Variants in PHF20 observed in about 807,000 individuals in gnomAD.
The protein encoded by PHF20 is glioma-expressed antigen 2.
PHF20 carries 23 observed loss-of-function variants against 113.5 expected under a neutral mutation model. The ratio of observed to expected loss-of-function variants is 0.20; its 90% CI spans 0.15 to 0.29. The LOEUF (loss-of-function observed/expected upper bound fraction) is 0.29, where lower values mean the gene tolerates loss of function less well. Ranked by LOEUF, PHF20 falls within the 10% of genes least tolerant of loss-of-function variation. The pLI is 1.00. For missense variants in PHF20, 943 were observed against 1,219.6 expected (o/e 0.77, Z 3.38); for synonymous variants, 434 against 457.3 (o/e 0.95, Z 0.65).
chr20:35,864,452 A>ACACACACACACACACAC (rs59351622), intron 6 of PHF20, among the ~76,000 whole-genome samples: 1 of 151,078 alleles, frequency 6.6e-6, no homozygotes, highest in African/African-American at 2.4e-5. Flanking sequence ...ACACACACAC[A>ACACACACACACACACAC]AATATTTTCA....
chr20:35,823,294 C>A (rs919976925), intron 2 of PHF20, among the ~76,000 whole-genome samples: 1 of 151,790 alleles, frequency 6.6e-6, no homozygotes. Flanking sequence ...ACAGTTCACG[C>A]AAGCCCCACC....
intron 14 of PHF20, among the ~76,000 whole-genome samples, chr20:35,928,904 A>G (rs191024707): frequency 2.6e-5 from 4 of 152,312 alleles, no homozygotes; most frequent in Admixed American, 2.6e-4. Context: ...TAGCAGGATC[A>G]GTTAGTTCCA....
At chr20:35,866,967 T>C (rs1242867797) in intron 6 of PHF20, among the ~76,000 whole-genome samples, 2 of 152,206 alleles carry the variant, frequency 1.3e-5, no homozygotes, top group East Asian at 3.8e-4. Flanking sequence ...TCTTTTCCAG[T>C]CAGACTGTCT....
intron 1 of PHF20, among the ~76,000 whole-genome samples, chr20:35,791,017 C>G (rs1026018928): frequency 2.6e-5 from 4 of 152,012 alleles, no homozygotes; most frequent in African/African-American, 9.7e-5. Context: ...TGCCACCATG[C>G]CCGGCTAATT....
chr20:35,855,301 C>T (rs769994570), intron 4 of PHF20: 8 of 1,301,954 alleles, frequency 6.1e-6, no homozygotes, highest in South Asian at 2.4e-5. Flanking sequence ...TGTAAGTACT[C>T]ATAAGTCATT....
intron 9 of PHF20, among the ~76,000 whole-genome samples, chr20:35,893,870 C>A (rs897213128): frequency 6.6e-6 from 1 of 152,086 alleles, no homozygotes; most frequent in African/African-American, 2.4e-5. Flanking sequence ...CCTGCCTTGG[C>A]TTCCCAAAAT....
At chr20:35,940,800 G>T in intron 16 of PHF20, 64 bp from the exon 17 acceptor site, 1 of 1,365,776 alleles carries the variant, frequency 7.3e-7, no homozygotes. Context: ...GGAAATGCTG[G>T]CTGGTTGAAA....
At chr20:35,847,078 G>A (rs2042637507) in intron 3 of PHF20, among the ~76,000 whole-genome samples, 1 of 152,152 alleles carries the variant, frequency 6.6e-6, no homozygotes, top group African/African-American at 2.4e-5. Flanking sequence ...CTATTCATGA[G>A]GGATCTGCTA....
At chr20:35,864,452 A>ACACACACACAC (rs59351622) in intron 6 of PHF20, among the ~76,000 whole-genome samples, 2 of 151,078 alleles carry the variant, frequency 1.3e-5, no homozygotes, top group African/African-American at 2.4e-5. Flanking sequence ...ACACACACAC[A>ACACACACACAC]AATATTTTCA....
chr20:35,811,411 C>T (rs1180577794), intron 2 of PHF20, among the ~76,000 whole-genome samples: 11 of 149,864 alleles, frequency 7.3e-5, no homozygotes, highest in Non-Finnish European at 1.2e-4. Context: ...ATTATTTGTT[C>T]TTATTTTTGG....
intron 13 of PHF20, among the ~76,000 whole-genome samples, chr20:35,919,713 A>G (rs1406054119): frequency 6.6e-6 from 1 of 152,128 alleles, no homozygotes; most frequent in African/African-American, 2.4e-5. Flanking sequence ...AAACATTGGG[A>G]CTTTTCCGTA....
intron 1 of PHF20, among the ~76,000 whole-genome samples, chr20:35,776,510 T>A (rs2041178213): frequency 6.6e-6 from 1 of 152,224 alleles, no homozygotes; most frequent in Non-Finnish European, 1.5e-5. Flanking sequence ...AGTGGGTTTT[T>A]CCTTTTTTCA....
intron 1 of PHF20, among the ~76,000 whole-genome samples, chr20:35,794,030 T>C (rs1033580660): frequency 9.5e-6 from 1 of 105,604 alleles, no homozygotes; most frequent in African/African-American, 3.9e-5. Context: ...CCAGGCGCGG[T>C]GGCTCACACC....
At chr20:35,925,849 G>A (rs1189405577) in intron 13 of PHF20, among the ~76,000 whole-genome samples, 6 of 151,856 alleles carry the variant, frequency 4.0e-5, no homozygotes, top group African/African-American at 4.8e-5. Flanking sequence ...TTGGCCAGGC[G>A]CGGTGGCTCA....
chr20:35,847,790 A>G (rs1247495883), intron 4 of PHF20, among the ~76,000 whole-genome samples: 3 of 152,204 alleles, frequency 2.0e-5, no homozygotes, highest in Non-Finnish European at 4.4e-5. Flanking sequence ...TTAAATGAAC[A>G]CTAACAAACT....
intron 2 of PHF20, among the ~76,000 whole-genome samples, chr20:35,840,789 G>C (rs887776115): frequency 2.0e-5 from 3 of 152,114 alleles, no homozygotes; most frequent in Admixed American, 6.6e-5. Flanking sequence ...GATAGGCCTT[G>C]TACTGGACCT....
rs536081932 is a variant in PHF20 at position 35,908,285 on chromosome 20, A to G, written c.1562-4964A>G. Among the ~76,000 whole-genome samples, 7 of 152,304 alleles carry G rather than the reference A, an allele frequency of 4.6e-5. No homozygotes were observed. In the East Asian group the frequency reaches 1.3e-3, roughly 29 times the overall value. ...TGTTCCTCAGGGACTCACCTGCCTT[A>G]GCTCAGTCCTTGCTGGGCAATTCTC... On this transcript the variant is annotated intron_variant, in intron 10 of 17. Transcript: ENST00000374012.
chr20:35,863,004 T>C lies in PHF20; in HGVS notation c.421-9T>C. The C allele has an allele frequency of 1.3e-6, 2 of 1,547,360 alleles. No individual in the cohort carries two copies. Among genetic ancestry groups the C allele is most frequent in the Non-Finnish European group, 1.7e-6 (2 of 1,151,652 alleles). On this transcript the variant is annotated splice_polypyrimidine_tract_variant and intron_variant, in intron 5 of 17. Coordinates refer to ENST00000374012, the MANE Select transcript of PHF20 (RefSeq NM_016436.5). Reference sequence around the variant, plus strand: ...ACGAAGTGTTTCATCGCTATTTTGCTCATTTTAGAATATTGTGGGTAATGC... The same window carrying C: ...ACGAAGTGTTTCATCGCTATTTTGCCCATTTTAGAATATTGTGGGTAATGC...
chr20:35,849,671 C>T (rs553544471), intron 4 of PHF20, among the ~76,000 whole-genome samples: 1 of 152,290 alleles, frequency 6.6e-6, no homozygotes, highest in Non-Finnish European at 1.5e-5. Context: ...TTCACTCTTT[C>T]CTTGGTATTT....
Sources: allele counts gnomAD v4.1 joint callset (sites outside exome capture counted in the v4.1 genomes callset), GRCh38; gene constraint gnomAD v4.1.1; transcripts MANE v1.5; gene names NCBI Gene and HGNC (gene_info 2026-07-23, HGNC 2026-07-21).